TRAPPC9: variants seen among roughly 807,000 people sequenced by gnomAD.
TRAPPC9 encodes IKK2 binding protein.
TRAPPC9 carries 83 observed loss-of-function variants against 124.0 expected under a neutral mutation model. The observed-to-expected ratio is 0.67, with a 90% CI of 0.56 to 0.80. The LOEUF (loss-of-function observed/expected upper bound fraction) is 0.80, where lower values mean the gene tolerates loss of function less well. TRAPPC9 is among the 30% of genes least tolerant of loss of function. TRAPPC9 has a pLI of 0.00. For synonymous variants in TRAPPC9, 638 were observed against 617.5 expected (o/e 1.03, Z -0.49); for missense variants, 1,302 against 1,508.3 (o/e 0.86, Z 2.27).
chr8:139,925,340 G>C (rs1331677567), intron 19 of TRAPPC9, among the ~76,000 whole-genome samples: 2 of 152,180 alleles, frequency 1.3e-5, no homozygotes, highest in Non-Finnish European at 2.9e-5. Context: ...TGCATATGGA[G>C]GTGGGGGAAT....
intron 11 of TRAPPC9, among the ~76,000 whole-genome samples, chr8:140,297,371 C>T (rs1423938111): frequency 6.6e-6 from 1 of 152,084 alleles, no homozygotes; most frequent in Non-Finnish European, 1.5e-5. Context: ...TACACGCATA[C>T]ACACAATATA....
At chr8:140,160,853 C>T (rs983443682) in intron 17 of TRAPPC9, among the ~76,000 whole-genome samples, 8 of 151,820 alleles carry the variant, frequency 5.3e-5, no homozygotes, top group Non-Finnish European at 1.0e-4. Context: ...AAGTTTCTGC[C>T]CTATTTAATA....
At chr8:140,266,686 A>G (rs1364715967) in intron 15 of TRAPPC9, among the ~76,000 whole-genome samples, 21 of 151,700 alleles carry the variant, frequency 1.4e-4, no homozygotes, top group Non-Finnish European at 2.2e-4. Context: ...GTGCAAACCC[A>G]TCTCTACTAA....
intron 20 of TRAPPC9, among the ~76,000 whole-genome samples, chr8:139,894,414 T>C (rs1473373308): frequency 6.6e-6 from 1 of 152,092 alleles, no homozygotes; most frequent in African/African-American, 2.4e-5. Context: ...GCTGAGTCAG[T>C]TTGCCCCAAG....
At chr8:140,177,865 C>A (rs983654637) in intron 17 of TRAPPC9, among the ~76,000 whole-genome samples, 2 of 151,946 alleles carry the variant, frequency 1.3e-5, no homozygotes, top group African/African-American at 4.8e-5. Context: ...ATGTACAATT[C>A]TTGCACATCT....
At chr8:140,374,965 T>C (rs762666443) in intron 7 of TRAPPC9, among the ~76,000 whole-genome samples, 19 of 152,228 alleles carry the variant, frequency 1.2e-4, no homozygotes, top group Non-Finnish European at 2.6e-4. Context: ...GCAAATGGAA[T>C]TGACATCACT....
intron 19 of TRAPPC9, among the ~76,000 whole-genome samples, chr8:139,947,178 G>T (rs978711579): frequency 1.3e-5 from 2 of 152,118 alleles, no homozygotes; most frequent in Non-Finnish European, 2.9e-5. Context: ...AGAAATATTA[G>T]CATGATAGGG....
intron 9 of TRAPPC9, among the ~76,000 whole-genome samples, chr8:140,328,932 C>T (rs559415167): frequency 6.6e-6 from 1 of 152,076 alleles, no homozygotes; most frequent in Non-Finnish European, 1.5e-5. Flanking sequence ...AGCCACTGGC[C>T]GAGACAGAAG....
Position 140,231,481 on chromosome 8 carries a change from C to CTTTT in TRAPPC9, c.2432-9902_2432-9899dup, listed in dbSNP as rs71320347. Among the ~76,000 whole-genome samples, 90 of 56,990 alleles carry CTTTT rather than the reference C, an allele frequency of 1.6e-3. 6 individuals carry two copies. Among genetic ancestry groups the CTTTT allele is most frequent in the African/African-American group, 3.3e-3 (45 of 13,764 alleles). 37.4% of individuals were successfully genotyped at this position (56,990 alleles called of 152,430 possible). The stretch of plus-strand genomic sequence containing the variant: ...AACTGCTAGTAAATCACTGCCTTTT[C>CTTTT]TTTTTTTTTTTTTTTTTTTTTTTTT... On this transcript the variant is annotated intron_variant, in intron 16 of 22. Transcript: ENST00000438773.
chr8:139,908,271 T>C (rs1289351877), intron 20 of TRAPPC9, among the ~76,000 whole-genome samples: 2 of 152,150 alleles, frequency 1.3e-5, no homozygotes, highest in African/African-American at 4.8e-5. Flanking sequence ...CTTCCTCCAC[T>C]GGTGCTGCTG....
intron 19 of TRAPPC9, among the ~76,000 whole-genome samples, chr8:139,965,852 A>C (rs981829354): frequency 1.3e-5 from 2 of 152,256 alleles, no homozygotes; most frequent in Non-Finnish European, 2.9e-5. Flanking sequence ...GAAATAAAAG[A>C]ATTTCCTTTA....
chr8:140,215,647 GAA>G (rs61147507), intron 17 of TRAPPC9, among the ~76,000 whole-genome samples: 1 of 137,030 alleles, frequency 7.3e-6, no homozygotes, highest in Non-Finnish European at 1.6e-5. Flanking sequence ...CTCCATCTCC[GAA>G]AAAAAAAAAA....
intron 17 of TRAPPC9, among the ~76,000 whole-genome samples, chr8:140,181,381 C>G (rs539817469): frequency 6.6e-6 from 1 of 152,178 alleles, no homozygotes; most frequent in Non-Finnish European, 1.5e-5. Flanking sequence ...CTGCCTGATC[C>G]TCCCAAGTAA....
chr8:140,236,554 T>A (rs1409736126), intron 16 of TRAPPC9, among the ~76,000 whole-genome samples: 1 of 152,242 alleles, frequency 6.6e-6, no homozygotes, highest in Non-Finnish European at 1.5e-5. Context: ...TAGATTCATA[T>A]GAACATAAAA....
chr8:140,324,435 T>A (rs2066685663), intron 9 of TRAPPC9, among the ~76,000 whole-genome samples: 1 of 152,232 alleles, frequency 6.6e-6, no homozygotes, highest in South Asian at 2.1e-4. Context: ...GAAAGATTCA[T>A]GATTTTTTTA....
chr8:140,130,174 C>T (rs1458681004), intron 17 of TRAPPC9, among the ~76,000 whole-genome samples: 1 of 152,180 alleles, frequency 6.6e-6, no homozygotes, highest in East Asian at 1.9e-4. Flanking sequence ...GGATCATCAC[C>T]ATTAAACAGA....
intron 21 of TRAPPC9, among the ~76,000 whole-genome samples, chr8:139,844,851 C>T (rs1826968651): frequency 6.6e-6 from 1 of 152,326 alleles, no homozygotes; most frequent in East Asian, 1.9e-4. Context: ...TTGCCCGGGG[C>T]CCCCAGCTGG....
At chr8:140,089,163 GC>G (rs1242703795) in intron 17 of TRAPPC9, among the ~76,000 whole-genome samples, 1 of 152,150 alleles carries the variant, frequency 6.6e-6, no homozygotes, top group Non-Finnish European at 1.5e-5. Context: ...TCTCCTCGAA[GC>G]CCCTCAATGC....
intron 17 of TRAPPC9, among the ~76,000 whole-genome samples, chr8:140,112,352 G>A (rs2060794591): frequency 2.0e-5 from 3 of 148,114 alleles, no homozygotes; most frequent in Admixed American, 2.0e-4. Context: ...GGACAGGTGC[G>A]AGGAGAGGAA....
Sources: gnomAD v4.1 joint callset for allele counts (sites outside exome capture counted in the v4.1 genomes callset) on GRCh38, gnomAD v4.1.1 for gene constraint, MANE v1.5 for transcripts, NCBI Gene and HGNC (gene_info 2026-07-23, HGNC 2026-07-21) for gene names.